The following NME7 variants were observed in gnomAD, a reference collection of about 807,000 sequenced individuals.
The protein encoded by NME7 is nucleoside diphosphate kinase 7.
NME7 carries 41 observed loss-of-function variants against 49.1 expected under a neutral mutation model. The ratio of observed to expected loss-of-function variants is 0.83; its 90% CI spans 0.65 to 1.08. The LOEUF (loss-of-function observed/expected upper bound fraction) is 1.08, where lower values mean the gene tolerates loss of function less well. NME7 is among the 50% of genes least tolerant of loss of function. The pLI is 0.00. For synonymous variants in NME7, 139 were observed against 150.6 expected, an observed-to-expected ratio of 0.92 and a Z score of 0.56; for missense variants, 423 against 463.4, an observed-to-expected ratio of 0.91 and a Z score of 0.80.
At position 169,272,368 on chromosome 1, in the gene NME7, G is replaced by C. The variant is rs571919892; in HGVS notation, c.754+14935C>G. Reference sequence around the variant, plus strand: ...ACATAGGTAAATGTGTGCTATGGTGGTTTGCTGCACATATCAACTCATTAT... The same window carrying C: ...ACATAGGTAAATGTGTGCTATGGTGCTTTGCTGCACATATCAACTCATTAT... On this transcript the variant is annotated intron_variant, in intron 7 of 11. Transcript: ENST00000367811. 2.4e-4 allele frequency among the ~76,000 whole-genome samples: 32 copies of C among 132,672 alleles called. 6 individuals carry two copies. In the South Asian group the frequency reaches 6.7e-3, roughly 28 times the overall value. The allele number at this position is 132,672 out of a possible 152,430, so 87.0% of individuals were successfully genotyped here.
Position 169,367,781 on chromosome 1 carries a change from A to C in NME7, c.-71T>G. 1.3e-6 allele frequency: 2 copies of C among 1,596,572 alleles called. No individual in the cohort carries two copies. Among genetic ancestry groups the C allele is most frequent in the South Asian group, 2.2e-5 (2 of 90,740 alleles). On this transcript the variant is annotated 5_prime_UTR_variant, in exon 1 of 12. Coordinates refer to ENST00000367811, the MANE Select transcript of NME7 (RefSeq NM_013330.5). The stretch of plus-strand genomic sequence containing the variant: ...AAGACACCACCACCACCACCATCAT[A>C]CGGTTACTCAGGCAACAAAGCCCCG...
chr1:169,173,199 T>C (rs1005706931), intron 10 of NME7, among the ~76,000 whole-genome samples: 1 of 152,150 alleles, frequency 6.6e-6, no homozygotes, highest in South Asian at 2.1e-4. Flanking sequence ...AAGGATAAAA[T>C]AGAATCTGTC....
intron 10 of NME7, among the ~76,000 whole-genome samples, chr1:169,212,595 T>C (rs1034576158): frequency 7.2e-6 from 1 of 138,564 alleles, no homozygotes; most frequent in Non-Finnish European, 1.5e-5. Flanking sequence ...TTAAAACAAA[T>C]GTCCTTTTTT....
chr1:169,194,040 G>A (rs769651951), intron 10 of NME7, among the ~76,000 whole-genome samples: 8 of 151,898 alleles, frequency 5.3e-5, no homozygotes, highest in Non-Finnish European at 1.2e-4. Flanking sequence ...TAAACATACT[G>A]AAAAATAGCG....
At chr1:169,267,059 C>T (rs922569967) in intron 7 of NME7, among the ~76,000 whole-genome samples, 2 of 133,182 alleles carry the variant, frequency 1.5e-5, no homozygotes, top group African/African-American at 5.1e-5. Context: ...CAAAGTGAAA[C>T]TGTGTCTCAA....
chr1:169,258,355 T>A (rs144727568), intron 7 of NME7, among the ~76,000 whole-genome samples: 13,472 of 86,212 alleles, frequency 0.16, 3,417 homozygotes, highest in Admixed American at 0.3. Context: ...TCAAAAAAAA[T>A]AAAATAAAAT....
At chr1:169,182,266 G>C (rs183921895) in intron 10 of NME7, among the ~76,000 whole-genome samples, 21 of 151,580 alleles carry the variant, frequency 1.4e-4, no homozygotes, top group African/African-American at 5.1e-4. Flanking sequence ...CTCCTGCCTT[G>C]GCCTCCCAAA....
chr1:169,252,423 A>G (rs868084222), intron 7 of NME7, among the ~76,000 whole-genome samples: 6,007 of 149,578 alleles, frequency 0.04, 176 homozygotes, highest in East Asian at 0.098. Flanking sequence ...TTTTTTTCTT[A>G]AAAATTTGTT....
intron 10 of NME7, among the ~76,000 whole-genome samples, chr1:169,188,560 A>C (rs1308896803): frequency 1.3e-5 from 2 of 152,208 alleles, no homozygotes; most frequent in East Asian, 3.8e-4. Flanking sequence ...GGTGAAGCAC[A>C]CTGCTCTGCA....
At chr1:169,349,063 C>T (rs1365158431) in intron 1 of NME7, among the ~76,000 whole-genome samples, 1 of 151,956 alleles carries the variant, frequency 6.6e-6, no homozygotes, top group Non-Finnish European at 1.5e-5. Flanking sequence ...ATACAGTAGG[C>T]ATTCAATAAG....
At chr1:169,259,062 A>C in intron 7 of NME7, among the ~76,000 whole-genome samples, 1 of 134,164 alleles carries the variant, frequency 7.5e-6, no homozygotes, top group East Asian at 2.0e-4. Flanking sequence ...ATAGCTGAAA[A>C]TTTTTATATT....
At chr1:169,220,489 C>A (rs1230807582) in intron 10 of NME7, among the ~76,000 whole-genome samples, 2 of 152,080 alleles carry the variant, frequency 1.3e-5, no homozygotes, top group Admixed American at 1.3e-4. Flanking sequence ...GGTCATCCAA[C>A]TAATATACGA....
chr1:169,233,184 C>T (rs1647714329), intron 9 of NME7, among the ~76,000 whole-genome samples: 1 of 151,948 alleles, frequency 6.6e-6, no homozygotes, highest in African/African-American at 2.4e-5. Context: ...ATGAGAACAA[C>T]AGCACACAGA....
chr1:169,197,880 TA>T, intron 10 of NME7, among the ~76,000 whole-genome samples: 1 of 152,096 alleles, frequency 6.6e-6, no homozygotes, highest in Non-Finnish European at 1.5e-5. Context: ...TAATCTAAGT[TA>T]AAAAACTTCC....
chr1:169,319,793 AC>A (rs1368806708), intron 3 of NME7, among the ~76,000 whole-genome samples: 2 of 152,148 alleles, frequency 1.3e-5, no homozygotes, highest in African/African-American at 4.8e-5. Context: ...TGTTCACCCA[AC>A]CTACTGATGC....
At chr1:169,338,959 T>C (rs1652581525) in intron 1 of NME7, among the ~76,000 whole-genome samples, 1 of 152,138 alleles carries the variant, frequency 6.6e-6, no homozygotes, top group Non-Finnish European at 1.5e-5. Flanking sequence ...TATTATACAA[T>C]ACAAATTGTC....
intron 11 of NME7, among the ~76,000 whole-genome samples, chr1:169,152,013 G>T (rs2101822769): frequency 6.6e-6 from 1 of 152,302 alleles, no homozygotes; most frequent in South Asian, 2.1e-4. Flanking sequence ...ATCCAGATTT[G>T]TGTGGGTTTT....
chr1:169,213,832 T>TAA (rs758395314), intron 10 of NME7, among the ~76,000 whole-genome samples: 7 of 142,892 alleles, frequency 4.9e-5, no homozygotes, highest in Admixed American at 1.4e-4. Flanking sequence ...AATAAATAAA[T>TAA]ATATATATAT....
At chr1:169,192,684 T>TAGAGC (rs1660268138) in intron 10 of NME7, among the ~76,000 whole-genome samples, 2 of 152,178 alleles carry the variant, frequency 1.3e-5, no homozygotes, top group South Asian at 4.1e-4. Flanking sequence ...TTTATATACC[T>TAGAGC]AGAGCTCTTG....
Sources: gnomAD v4.1 joint callset for allele counts (sites outside exome capture counted in the v4.1 genomes callset) on GRCh38, gnomAD v4.1.1 for gene constraint, MANE v1.5 for transcripts, NCBI Gene and HGNC (gene_info 2026-07-23, HGNC 2026-07-21) for gene names.